BANK1: variants seen among roughly 807,000 people sequenced by gnomAD.
The protein encoded by BANK1 is B cell scaffold protein with ankyrin repeats 1.
BANK1 carries 95 observed loss-of-function variants against 94.5 expected under a neutral mutation model. That is an observed-to-expected ratio of 1.00 (90% CI 0.85 to 1.19). The LOEUF (loss-of-function observed/expected upper bound fraction) is 1.19, where lower values mean the gene tolerates loss of function less well. Ranked by LOEUF, BANK1 falls within the 50% of genes most tolerant of loss-of-function variation. The pLI is 0.00. For synonymous variants in BANK1, 334 were observed against 308.4 expected, an observed-to-expected ratio of 1.08 and a Z score of -0.87; for missense variants, 987 against 932.2, an observed-to-expected ratio of 1.06 and a Z score of -0.77.
intron 6 of BANK1, among the ~76,000 whole-genome samples, chr4:101,916,998 G>A: frequency 6.6e-6 from 1 of 151,968 alleles, no homozygotes; most frequent in South Asian, 2.1e-4. Context: ...CCTAACAAGT[G>A]AGACTGTAAA....
At chr4:101,851,033 G>A (rs28625045) in intron 2 of BANK1, among the ~76,000 whole-genome samples, 65,779 of 151,878 alleles carry the variant, frequency 0.43, 15,075 homozygotes, top group African/African-American at 0.58. Context: ...CACATCTCTC[G>A]CTTAAAATAA....
At chr4:102,015,665 G>A (rs931885963) in intron 7 of BANK1, among the ~76,000 whole-genome samples, 1 of 152,154 alleles carries the variant, frequency 6.6e-6, no homozygotes, top group African/African-American at 2.4e-5. Context: ...AGTGAGCTGA[G>A]CAGAAACTTA....
At chr4:101,872,944 C>T (rs761985332) in intron 5 of BANK1, among the ~76,000 whole-genome samples, 15 of 151,336 alleles carry the variant, frequency 9.9e-5, no homozygotes, top group Admixed American at 4.6e-4. Flanking sequence ...GCTGAAATCA[C>T]GCCACAGCAC....
intron 7 of BANK1, among the ~76,000 whole-genome samples, chr4:101,939,304 G>T (rs962297126): frequency 2.6e-5 from 4 of 151,686 alleles, no homozygotes; most frequent in East Asian, 1.9e-4. Flanking sequence ...TGCAAAATTT[G>T]TTTCTTAAAA....
chr4:101,947,309 A>ATATGTATG (rs1553934939), intron 7 of BANK1, among the ~76,000 whole-genome samples: 1 of 67,864 alleles, frequency 1.5e-5, no homozygotes, highest in Non-Finnish European at 3.4e-5. Context: ...ATATATATAT[A>ATATGTATG]TATGTATATG....
chr4:101,942,976 A>G (rs1723804808), intron 7 of BANK1, among the ~76,000 whole-genome samples: 1 of 151,896 alleles, frequency 6.6e-6, no homozygotes, highest in African/African-American at 2.4e-5. Context: ...AGGGTATATT[A>G]TCAGAACACT....
intron 7 of BANK1, among the ~76,000 whole-genome samples, chr4:102,018,173 A>G (rs1338030954): frequency 6.6e-6 from 1 of 152,140 alleles, no homozygotes; most frequent in African/African-American, 2.4e-5. Flanking sequence ...TACTTTTAAT[A>G]TTTAGTAAGA....
chr4:102,065,515 A>T (rs548706812), intron 13 of BANK1, among the ~76,000 whole-genome samples: 1 of 152,284 alleles, frequency 6.6e-6, no homozygotes, highest in Non-Finnish European at 1.5e-5. Context: ...TATAATGTCC[A>T]GTGTTCAATT....
chr4:101,935,035 T>C (rs765755228), intron 7 of BANK1, among the ~76,000 whole-genome samples: 2 of 151,574 alleles, frequency 1.3e-5, no homozygotes, highest in Non-Finnish European at 3.0e-5. Flanking sequence ...AGTTCAACTT[T>C]TTCTTTTTGC....
At chr4:102,021,785 G>A (rs935232738) in intron 8 of BANK1, among the ~76,000 whole-genome samples, 193 bp downstream of exon 8, 3 of 151,992 alleles carry the variant, frequency 2.0e-5, no homozygotes, top group Admixed American at 6.6e-5. Context: ...CTTTTAATAA[G>A]TTCAAGTTTT....
intron 9 of BANK1, among the ~76,000 whole-genome samples, chr4:102,027,726 G>T (rs1192462028): frequency 6.6e-6 from 1 of 151,184 alleles, no homozygotes; most frequent in Non-Finnish European, 1.5e-5. Flanking sequence ...CCTCACAGTG[G>T]ATTTACGGAC....
intron 2 of BANK1, among the ~76,000 whole-genome samples, chr4:101,846,086 A>G (rs577559755): frequency 2.6e-5 from 4 of 152,050 alleles, no homozygotes; most frequent in South Asian, 2.1e-4. Flanking sequence ...CTATTGTTCA[A>G]TTCCCACCTA....
chr4:102,032,925 C>T (rs1727372556), intron 10 of BANK1, among the ~76,000 whole-genome samples: 1 of 151,872 alleles, frequency 6.6e-6, no homozygotes. Context: ...CACCAAATGC[C>T]TCAATGGAAA....
chr4:101,949,020 G>A (rs1327687666), intron 7 of BANK1, among the ~76,000 whole-genome samples: 1 of 151,882 alleles, frequency 6.6e-6, no homozygotes, highest in Non-Finnish European at 1.5e-5. Context: ...AATTTTGCAA[G>A]TGCCTCATTT....
chr4:101,940,118 T>A (rs141119898), intron 7 of BANK1, among the ~76,000 whole-genome samples: 23 of 151,838 alleles, frequency 1.5e-4, no homozygotes. Context: ...TTCTTTCAGA[T>A]TTCTCTCCCT....
intron 7 of BANK1, among the ~76,000 whole-genome samples, chr4:101,937,159 C>T (rs13113677): frequency 0.81 from 123,190 of 151,580 alleles, 50,571 homozygotes; most frequent in Non-Finnish European, 0.88. Context: ...ACACCATAGA[C>T]AGAACTGGAG....
chr4:102,032,172 A>G (rs1029238464), intron 10 of BANK1: 1 of 152,226 alleles, frequency 6.6e-6, no homozygotes, highest in African/African-American at 2.4e-5. Flanking sequence ...CTTGATACAA[A>G]AAGTTAGTTA....
At chr4:102,007,147 TATA>T (rs1726328768) in intron 7 of BANK1, among the ~76,000 whole-genome samples, 1 of 10,286 alleles carries the variant, frequency 9.7e-5, no homozygotes, top group African/African-American at 5.7e-4. Context: ...AAATATATTT[TATA>T]TATATATATA....
chr4:101,799,670 C>T (rs906625137), intron 1 of BANK1, among the ~76,000 whole-genome samples: 6 of 152,028 alleles, frequency 3.9e-5, no homozygotes, highest in African/African-American at 7.2e-5. Context: ...GTCAGGAGAT[C>T]GAGGCCATCC....
Sources: gnomAD v4.1 joint callset for allele counts (sites outside exome capture counted in the v4.1 genomes callset) on GRCh38, gnomAD v4.1.1 for gene constraint, MANE v1.5 for transcripts, NCBI Gene and HGNC (gene_info 2026-07-23, HGNC 2026-07-21) for gene names.